The following ELAPOR2 variants were observed in gnomAD, a reference collection of about 807,000 sequenced individuals.
The protein encoded by ELAPOR2 is endosome-lysosome associated apoptosis and autophagy regulator family member 2.
ELAPOR2 carries 89 observed loss-of-function variants against 120.7 expected under a neutral mutation model. The ratio of observed to expected loss-of-function variants is 0.74; its 90% CI spans 0.62 to 0.88. ELAPOR2 has a LOEUF of 0.88. Among genes scored for constraint, ELAPOR2 ranks in the 40% least tolerant of loss-of-function variants. The pLI is 0.00. For missense variants in ELAPOR2, 1,134 were observed against 1,251.6 expected (o/e 0.91, Z 1.42); for synonymous variants, 444 against 444.9 (o/e 1.00, Z 0.03).
intron 1 of ELAPOR2, among the ~76,000 whole-genome samples, chr7:87,010,919 G>A (rs909721121): frequency 1.3e-5 from 2 of 151,820 alleles, no homozygotes; most frequent in Non-Finnish European, 2.9e-5. Context: ...TAAAATAAAG[G>A]CTTTGGAAAA....
At chr7:86,927,069 A>G (rs1790105985) in intron 8 of ELAPOR2, among the ~76,000 whole-genome samples, 153 bp from the exon 9 acceptor site, 1 of 151,998 alleles carries the variant, frequency 6.6e-6, no homozygotes, top group African/African-American at 2.4e-5. Context: ...ATGAGAGAAA[A>G]GAGAGAACAT....
intron 1 of ELAPOR2, among the ~76,000 whole-genome samples, chr7:86,988,120 T>C (rs539229489): frequency 6.6e-6 from 1 of 152,286 alleles, no homozygotes; most frequent in Non-Finnish European, 1.5e-5. Flanking sequence ...CACCGCATGT[T>C]CTCACTCATA....
chr7:86,942,073 G>A lies in ELAPOR2; in HGVS notation c.686C>T (p.Thr229Ile). ...IQNDQCQEMD[T>I]TTDKWVKLTD... ...AAGTTTTACCCACTTGTCAGTGGTG[G>A]TGTCCATCTCCTGGCACTGATCATT... Residue 229 changes from threonine (T) to isoleucine (I), a missense_variant, in exon 5 of 22, where the codon ACC becomes ATC. By Grantham distance (89) the Thr-to-Ile change is moderately conservative. Coordinates refer to ENST00000450689, the MANE Select transcript of ELAPOR2 (RefSeq NM_001142749.3). The A allele has an allele frequency of 6.5e-7, 1 of 1,549,060 alleles. No individual in the cohort carries two copies. Among genetic ancestry groups the A allele is most frequent in the Middle Eastern group, 1.7e-4 (1 of 5,978 alleles).
At chr7:86,905,105 A>C (rs1053748310) in intron 18 of ELAPOR2, among the ~76,000 whole-genome samples, 1 of 149,122 alleles carries the variant, frequency 6.7e-6, no homozygotes, top group Non-Finnish European at 1.5e-5. Context: ...GAAGGAAGGA[A>C]GGAAGGAAGG....
At chr7:87,013,274 A>G (rs1317432726) in intron 1 of ELAPOR2, among the ~76,000 whole-genome samples, 1 of 152,178 alleles carries the variant, frequency 6.6e-6, no homozygotes, top group African/African-American at 2.4e-5. Context: ...CTAGCACTAT[A>G]AATCATCTCA....
intron 18 of ELAPOR2, among the ~76,000 whole-genome samples, chr7:86,904,998 G>A (rs370436909): frequency 6.7e-6 from 1 of 150,156 alleles, no homozygotes; most frequent in East Asian, 2.0e-4. Context: ...CCTCCACTCT[G>A]GAAATCTTAA....
Position 87,035,132 on chromosome 7 carries a change from C to T in ELAPOR2, c.189+24193G>A, listed in dbSNP as rs1053400659. Among the ~76,000 whole-genome samples, 5 of 151,780 alleles carry T rather than the reference C, an allele frequency of 3.3e-5. No homozygotes were observed. The South Asian group carries it at 1.0e-3, about 32-fold the overall frequency. ...TGTGTGCTAGCTACGACTAATGCAT[C>T]AAGGTCAAATATTTATCTTCTCACC... On this transcript the variant is annotated intron_variant, in intron 1 of 21. Transcript: ENST00000450689.
intron 1 of ELAPOR2, among the ~76,000 whole-genome samples, chr7:87,022,589 T>C (rs1403937976): frequency 2.0e-5 from 3 of 152,150 alleles, no homozygotes; most frequent in Non-Finnish European, 2.9e-5. Flanking sequence ...TTTGGGTATA[T>C]ACCCAGTAAT....
At position 86,919,246 on chromosome 7, in the gene ELAPOR2, G is replaced by A. The variant is rs867912367; in HGVS notation, c.1464C>T (p.Ile488=). 6.2e-7 allele frequency: 1 copy of A among 1,611,736 alleles called. No individual in the cohort carries two copies. Among genetic ancestry groups the A allele is most frequent in the Non-Finnish European group, 8.5e-7 (1 of 1,178,556 alleles). Residue 488 remains isoleucine (I), a synonymous_variant, in exon 11 of 22, where the codon ATC becomes ATT. Transcript: ENST00000450689. ...TAAATCCTGGGATATGCAAGTTTAA[G>A]ATCAGGTAATCATTGTCAGAACCTC... ...GAGGSDNDYL[I]LNLHIPGFKP... is the part of the protein sequence containing the mutation.
intron 1 of ELAPOR2, among the ~76,000 whole-genome samples, chr7:87,043,957 A>C (rs1794864592): frequency 6.6e-6 from 1 of 151,510 alleles, no homozygotes; most frequent in Admixed American, 6.6e-5. Flanking sequence ...GCATTCTTAT[A>C]CACCAACAAC....
chr7:86,893,090 T>A lies in ELAPOR2; in HGVS notation c.2696A>T (p.Tyr899Phe). The change falls in exon 20 of 22, where the codon TAT becomes TTT. Residue 899 changes from tyrosine to phenylalanine, a missense_variant. Tyr to Phe is a conservative substitution (Grantham distance 22). This residue lies in a region of ELAPOR2 where 831 missense variants were observed against 867.6 expected (regional missense o/e 0.96). Transcript: ENST00000450689. Reference protein sequence around the residue: ...ACKRGFQETLYVWNEPKWCIK... With the variant: ...ACKRGFQETLFVWNEPKWCIK... ...GCACCATTTAGGTTCATTCCACACATACAAGGTTTCCTTTAAAAAAAAAAA... is the reference window on the plus strand; with the variant it reads ...GCACCATTTAGGTTCATTCCACACAAACAAGGTTTCCTTTAAAAAAAAAAA... 1.3e-6 allele frequency: 2 copies of A among 1,533,602 alleles called. No homozygotes were observed. Among genetic ancestry groups the A allele is most frequent in the East Asian group, 2.5e-5 (1 of 39,512 alleles). 95.0% of individuals were successfully genotyped at this position (1,533,602 alleles called of 1,614,324 possible).
At chr7:86,904,571 A>G (rs1159805981) in intron 18 of ELAPOR2, among the ~76,000 whole-genome samples, 4 of 152,198 alleles carry the variant, frequency 2.6e-5, no homozygotes, top group East Asian at 1.9e-4. Flanking sequence ...CATACCCTCC[A>G]GACACTTTAT....
rs775850843 is a variant in ELAPOR2 at position 86,897,623 on chromosome 7, T to G, written c.2568A>C (p.Pro856=). Residue 856 remains proline (P), a synonymous_variant, in exon 19 of 22, where the codon CCA becomes CCC. Coordinates refer to ENST00000450689, the MANE Select transcript of ELAPOR2 (RefSeq NM_001142749.3). ...ACGTACACCCATCACAGGTACCTGC[T>G]GGGCACTTGCTAAAATCATAAACAA... ...AGVISVPSKC[P]AGTCDGCTFY... The G allele has an allele frequency of 4.3e-6, 7 of 1,613,104 alleles. No individual in the cohort carries two copies. The South Asian group carries it at 7.7e-5, about 18-fold the overall frequency.
intron 8 of ELAPOR2, among the ~76,000 whole-genome samples, chr7:86,936,230 C>G (rs1415914820): frequency 6.6e-6 from 1 of 151,990 alleles, no homozygotes; most frequent in Non-Finnish European, 1.5e-5. Flanking sequence ...TATAAAGAGA[C>G]AGGTCTTGTT....
Position 86,957,204 on chromosome 7 carries a change from C to T in ELAPOR2, c.310+7700G>A, listed in dbSNP as rs138327067. Among the ~76,000 whole-genome samples the T allele has an allele frequency of 1.7e-3, 255 of 152,302 alleles. 1 individual carries two copies. Among genetic ancestry groups the T allele is most frequent in the African/African-American group, 5.6e-3 (231 of 41,560 alleles). On this transcript the variant is annotated intron_variant, in intron 2 of 21. Transcript: ENST00000450689. ...TACAGAGGAGGTTTAACTTTGTCTTCGCACACCTGGAACTCAATGTAGCAA... is the reference window on the plus strand; with the variant it reads ...TACAGAGGAGGTTTAACTTTGTCTTTGCACACCTGGAACTCAATGTAGCAA...
chr7:86,979,449 A>G (rs1006247), intron 1 of ELAPOR2, among the ~76,000 whole-genome samples: 54,519 of 152,140 alleles, frequency 0.36, 10,812 homozygotes, highest in African/African-American at 0.52. Context: ...AGTTATTCAC[A>G]GTAGGGAAAT....
chr7:86,967,119 T>C (rs572322826), intron 1 of ELAPOR2, among the ~76,000 whole-genome samples: 25 of 152,248 alleles, frequency 1.6e-4, no homozygotes, highest in African/African-American at 6.0e-4. Flanking sequence ...GCCATGTATT[T>C]GCATAATTGC....
chr7:87,052,131 A>G (rs1795119466), intron 1 of ELAPOR2, among the ~76,000 whole-genome samples: 1 of 152,214 alleles, frequency 6.6e-6, no homozygotes, highest in Non-Finnish European at 1.5e-5. Context: ...CCTGGATTTC[A>G]GGCAACTAAA....
At chr7:86,947,687 A>G (rs1381221195) in intron 3 of ELAPOR2, 40 bp downstream of exon 3, 6 of 1,499,750 alleles carry the variant, frequency 4.0e-6, no homozygotes, top group Non-Finnish European at 5.4e-6. Flanking sequence ...TTTCTTCTCA[A>G]ATATTCAGTT....
Sources: allele counts gnomAD v4.1 joint callset (sites outside exome capture counted in the v4.1 genomes callset), GRCh38; gene constraint gnomAD v4.1.1; regional missense constraint gnomAD v4.1.1; transcripts MANE v1.5; gene names NCBI Gene and HGNC (gene_info 2026-07-23, HGNC 2026-07-21).